Variants in ATRX observed in about 807,000 individuals in gnomAD.
ATRX encodes chromatin remodeler ATRX.
In ATRX, 12 loss-of-function variants were observed where a neutral mutation model predicts 172.6. That is an observed-to-expected ratio of 0.07 (90% CI 0.04 to 0.11). The LOEUF (loss-of-function observed/expected upper bound fraction) is 0.11. Among genes scored for constraint, ATRX ranks in the 10% least tolerant of loss-of-function variants. The pLI is 1.00. For missense variants in ATRX, 1,368 were observed against 1,767.4 expected, an observed-to-expected ratio of 0.77 and a Z score of 4.05; for synonymous variants, 674 against 594.7, an observed-to-expected ratio of 1.13 and a Z score of -1.94.
intron 30 of ATRX, among the ~76,000 whole-genome samples, chrX:77,551,171 CA>C (rs1206083084): frequency 1.8e-5 from 2 of 111,613 alleles, no homozygotes; most frequent in African/African-American, 6.5e-5. Flanking sequence ...AATCCTAAGC[CA>C]AAAGAACAAA....
At chrX:77,728,196 T>C (rs2074136596) in intron 1 of ATRX, 1 of 103,707 alleles carries the variant, frequency 9.6e-6, no homozygotes, top group Non-Finnish European at 2.0e-5. Context: ...CTGGTCAACA[T>C]AGCGAGCCCC....
intron 32 of ATRX, 61 bp from the exon 33 acceptor site, chrX:77,521,559 G>C (rs2063232995): frequency 3.2e-6 from 3 of 934,343 alleles, no homozygotes; most frequent in Admixed American, 2.2e-5. Flanking sequence ...TTAAAGTATA[G>C]GGAATCCTTC....
chrX:77,690,650 T>C (rs1415496629), intron 6 of ATRX, among the ~76,000 whole-genome samples: 5 of 111,224 alleles, frequency 4.5e-5, no homozygotes, highest in African/African-American at 1.6e-4. Context: ...ACCAGTTTGA[T>C]CTTGGGTATT....
At chrX:77,545,117 C>T (rs1301514401) in intron 30 of ATRX, among the ~76,000 whole-genome samples, 1 of 112,432 alleles carries the variant, frequency 8.9e-6, no homozygotes, top group Non-Finnish European at 1.9e-5. Context: ...GGAAACTTAG[C>T]CATCTGTAGA....
Position 77,558,930 on chromosome X carries a change from G to A in ATRX, c.6327-84C>T, listed in dbSNP as rs919412664. 9 of 775,192 alleles carry A rather than the reference G, an allele frequency of 1.2e-5. No individual in the cohort carries two copies. In the African/African-American group the frequency reaches 1.9e-4, roughly 17 times the overall value. 63.9% of individuals were successfully genotyped at this position (775,192 alleles called of 1,213,427 possible). ...TTACAATATGACTTTTTGATACTTA[G>A]TTTTTTTTTAACTATCAAGAGTTCA... On this transcript the variant is annotated intron_variant, in intron 28 of 34. Transcript: ENST00000373344.
chrX:77,743,154 T>C (rs1363622605), intron 1 of ATRX, among the ~76,000 whole-genome samples: 1 of 110,973 alleles, frequency 9.0e-6, no homozygotes, highest in African/African-American at 3.3e-5. Context: ...TTGAGCTGGA[T>C]GGGGCTTATA....
At chrX:77,637,535 G>A (rs1344653665) in intron 15 of ATRX, among the ~76,000 whole-genome samples, 3 of 110,948 alleles carry the variant, frequency 2.7e-5, no homozygotes, top group South Asian at 3.8e-4. Flanking sequence ...TTGATCCCCC[G>A]AGTCCATGCT....
At chrX:77,664,552 T>C in intron 11 of ATRX, 93 bp downstream of exon 11, 2 of 1,134,432 alleles carry the variant, frequency 1.8e-6, no homozygotes, top group South Asian at 1.8e-5. Context: ...CGCCGGGCCA[T>C]ATTAAGATAT....
At chrX:77,532,919 T>C (rs1254673526) in intron 30 of ATRX, among the ~76,000 whole-genome samples, 3 of 112,055 alleles carry the variant, frequency 2.7e-5, no homozygotes, top group African/African-American at 9.7e-5. Context: ...ATATCCAGAA[T>C]CTACAAGACA....
At chrX:77,637,783 T>C (rs2068454544) in intron 15 of ATRX, among the ~76,000 whole-genome samples, 1 of 106,939 alleles carries the variant, frequency 9.4e-6, no homozygotes, top group Non-Finnish European at 1.9e-5. Flanking sequence ...CTCTACAAAA[T>C]ATACAAAAAT....
At chrX:77,703,526 C>T (rs1307299905) in intron 2 of ATRX, among the ~76,000 whole-genome samples, 5 of 112,452 alleles carry the variant, frequency 4.4e-5, no homozygotes, top group Non-Finnish European at 7.5e-5. Context: ...AGTTTGGAGA[C>T]ACCAGGAACC....
At position 77,683,327 on chromosome X, in the gene ATRX, T is replaced by C; in HGVS notation, c.1929A>G (p.Glu643=). 1 of 1,211,226 alleles carries C rather than the reference T, an allele frequency of 8.3e-7. No homozygotes were observed. Among genetic ancestry groups the C allele is most frequent in the Non-Finnish European group, 1.1e-6 (1 of 895,243 alleles). The part of the protein sequence containing the change: ...NSDNEHLVEN[E]VSLLLEESDL... ...CAGATTCCTCTAAAAGTAATGAAAC[T>C]TCATTTTCAACCAAATGCTCATTAT... Residue 643 remains glutamate (E), a synonymous_variant, in exon 9 of 35, where the codon GAA becomes GAG. Transcript: ENST00000373344.
intron 15 of ATRX, among the ~76,000 whole-genome samples, chrX:77,645,067 A>T (rs1379540987): frequency 8.9e-6 from 1 of 111,791 alleles, no homozygotes; most frequent in Non-Finnish European, 1.9e-5. Flanking sequence ...TTCTCATCAA[A>T]AACTTTAGAG....
intron 22 of ATRX, chrX:77,616,179 T>C: frequency 1.2e-6 from 1 of 831,594 alleles, no homozygotes; most frequent in Non-Finnish European, 1.5e-6. Context: ...GCATACTACA[T>C]GCCTTGCCTT....
intron 9 of ATRX, among the ~76,000 whole-genome samples, chrX:77,679,626 A>C (rs1030470931): frequency 8.0e-5 from 9 of 111,973 alleles, no homozygotes; most frequent in African/African-American, 2.9e-4. Context: ...GTATCAATAA[A>C]TCAAGTGAGA....
intron 30 of ATRX, among the ~76,000 whole-genome samples, chrX:77,544,449 C>T (rs970120766): frequency 1.8e-5 from 2 of 109,662 alleles, no homozygotes; most frequent in Non-Finnish European, 3.8e-5. Flanking sequence ...TAAGTTTTAG[C>T]GTACATGTGC....
At chrX:77,522,838 T>A (rs1466339294) in intron 31 of ATRX, among the ~76,000 whole-genome samples, 1 of 111,853 alleles carries the variant, frequency 8.9e-6, no homozygotes, top group Non-Finnish European at 1.9e-5. Context: ...AATGAAATAT[T>A]TTTGTGTTCT....
intron 27 of ATRX, among the ~76,000 whole-genome samples, chrX:77,588,147 A>C (rs1557078217): frequency 1.8e-5 from 2 of 112,377 alleles, no homozygotes; most frequent in Non-Finnish European, 3.8e-5. Flanking sequence ...ATTCCTTTTT[A>C]ATAAGAGTGA....
intron 30 of ATRX, among the ~76,000 whole-genome samples, chrX:77,556,873 A>T (rs2064828454): frequency 8.9e-6 from 1 of 112,150 alleles, no homozygotes; most frequent in Admixed American, 9.5e-5. Flanking sequence ...TTTGAAGACC[A>T]GCTTTACAAT....
Sources: allele counts gnomAD v4.1 joint callset (sites outside exome capture counted in the v4.1 genomes callset), GRCh38; gene constraint gnomAD v4.1.1; transcripts MANE v1.5; gene names NCBI Gene and HGNC (gene_info 2026-07-23, HGNC 2026-07-21).